Variants in MEAK7 observed in about 807,000 individuals in gnomAD.
MEAK7 encodes the protein MTOR associated protein MEAK7.
MEAK7 carries 68 observed loss-of-function variants against 40.5 expected under a neutral mutation model. That is an observed-to-expected ratio of 1.68 (90% CI 1.38 to 2.06). The LOEUF (loss-of-function observed/expected upper bound fraction) is 2.06, where lower values mean the gene tolerates loss of function less well. MEAK7 is among the 30% of genes most tolerant of loss of function. MEAK7 has a pLI of 0.00. For missense variants in MEAK7, 918 were observed against 580.5 expected (o/e 1.58, Z -5.98); for synonymous variants, 338 against 231.9 (o/e 1.46, Z -4.16).
intron 2 of MEAK7, 85 bp from the exon 3 acceptor site, chr16:84,495,998 G>A (rs1309294416): frequency 1.4e-6 from 2 of 1,419,032 alleles, no homozygotes; most frequent in Non-Finnish European, 1.9e-6. Flanking sequence ...GGCAGATAGA[G>A]AGGAAAAGGG....
intron 1 of MEAK7, among the ~76,000 whole-genome samples, chr16:84,501,398 C>T (rs1914495316): frequency 6.6e-6 from 1 of 152,132 alleles, no homozygotes; most frequent in African/African-American, 2.4e-5. Context: ...CCCCTCACTT[C>T]CATCCCACCC....
chr16:84,478,534 A>G lies in MEAK7; in HGVS notation c.*1379T>C, dbSNP rs1232230352. The stretch of plus-strand genomic sequence containing the variant: ...CTGCAAAAGGTCAAAGCTTACAGCA[A>G]AAGACAAAAGGAAGAGGTATATATC... On this transcript the variant is annotated 3_prime_UTR_variant, in exon 8 of 8. Coordinates refer to ENST00000343629, the MANE Select transcript of MEAK7 (RefSeq NM_020947.4). The G allele has an allele frequency of 6.6e-6, 1 of 152,248 alleles. No homozygotes were observed. The highest frequency in any genetic ancestry group is 1.9e-4 in the East Asian group (1 of 5,200). The allele number at this position is 152,248 out of a possible 1,614,324, so 9.4% of individuals were successfully genotyped here.
rs769515443 is a variant in MEAK7 at position 84,480,492 on chromosome 16, G to A, written c.1257+37C>T. 3 of 1,545,628 alleles carry A rather than the reference G, an allele frequency of 1.9e-6. No homozygotes were observed. In the African/African-American group the frequency reaches 4.2e-5, roughly 21 times the overall value. On this transcript the variant is annotated intron_variant, in intron 7 of 7. Transcript: ENST00000343629. ...AATGCAGAAAGGCCCCCAGGCTCAA[G>A]GGGCCATCCTGGGATGCAGAGGACA...
At chr16:84,501,699 G>C (rs1914519357) in intron 1 of MEAK7, among the ~76,000 whole-genome samples, 1 of 152,118 alleles carries the variant, frequency 6.6e-6, no homozygotes, top group South Asian at 2.1e-4. Context: ...CCCAGGGCTG[G>C]TGCCAGTGAG....
In MEAK7 at chr16:84,479,974, A is replaced by AGCAGGGCCTGGGCC; in HGVS notation, c.1296_1309dup (p.Leu437ArgfsTer42). 1.2e-6 allele frequency: 2 copies of AGCAGGGCCTGGGCC among 1,609,826 alleles called. No individual in the cohort carries two copies. Among genetic ancestry groups the AGCAGGGCCTGGGCC allele is most frequent in the Non-Finnish European group, 1.7e-6 (2 of 1,177,154 alleles). On this transcript the variant is annotated frameshift_variant, in exon 8 of 8. Transcript: ENST00000343629. LOFTEE classifies it high-confidence loss of function. ...GTGGCGCGAATGCCCACTGATCTCC[A>AGCAGGGCCTGGGCC]GCAGGGCCTGGGCCTCAGGGTCCGC...
At chr16:84,502,276 T>G (rs1022195844) in intron 1 of MEAK7, among the ~76,000 whole-genome samples, 8 of 152,050 alleles carry the variant, frequency 5.3e-5, no homozygotes, top group African/African-American at 1.9e-4. Context: ...AAGTGTGTGG[T>G]TGCCACAACT....
At chr16:84,488,773 A>G (rs1453019019) in intron 4 of MEAK7, among the ~76,000 whole-genome samples, 3 of 152,212 alleles carry the variant, frequency 2.0e-5, no homozygotes, top group African/African-American at 7.2e-5. Flanking sequence ...ATCAAAACTT[A>G]TGGCATGCAG....
At chr16:84,504,073 T>A (rs76574487) in intron 1 of MEAK7, 1 of 985,348 alleles carries the variant, frequency 1.0e-6, no homozygotes. Context: ...GGGCAAGAAG[T>A]TCCTGTGGGC....
At chr16:84,491,461 C>T (rs931362968) in intron 3 of MEAK7, among the ~76,000 whole-genome samples, 5 of 148,860 alleles carry the variant, frequency 3.4e-5, no homozygotes, top group Non-Finnish European at 5.9e-5. Context: ...ATCGCTTGAG[C>T]CTGGGAGGCA....
intron 4 of MEAK7, 119 bp downstream of exon 4, chr16:84,489,159 G>C (rs1343681446): frequency 2.3e-6 from 3 of 1,298,624 alleles, no homozygotes; most frequent in Non-Finnish European, 3.0e-6. Flanking sequence ...AAACCTAGAA[G>C]AAGGTTCGAG....
chr16:84,476,838 G>A lies in MEAK7; in HGVS notation c.*3075C>T, dbSNP rs373099962. ...AGGAGGGAAAATAGCTGGAGAAGAG[G>A]CAGGAAGATGACTGACTTTAAGTTG... On this transcript the variant is annotated 3_prime_UTR_variant, in exon 8 of 8. Transcript: ENST00000343629. The A allele has an allele frequency of 7.2e-4, 109 of 152,328 alleles. 1 individual carries two copies. Among genetic ancestry groups the A allele is most frequent in the African/African-American group, 2.6e-3 (108 of 41,564 alleles). The allele number at this position is 152,328 out of a possible 1,614,324, so 9.4% of individuals were successfully genotyped here.
At position 84,477,721 on chromosome 16, in the gene MEAK7, T is replaced by A. The variant is rs571492225; in HGVS notation, c.*2192A>T. 1 of 152,088 alleles carries A rather than the reference T, an allele frequency of 6.6e-6. No homozygotes were observed. The highest frequency in any genetic ancestry group is 1.9e-4 in the East Asian group (1 of 5,190). The allele number at this position is 152,088 out of a possible 1,614,324, so 9.4% of individuals were successfully genotyped here. On this transcript the variant is annotated 3_prime_UTR_variant, in exon 8 of 8. Coordinates refer to ENST00000343629, the MANE Select transcript of MEAK7 (RefSeq NM_020947.4). ...AACTATTCATTTGTGCAAACTAGGA[T>A]TGCGAGTTTCTCAGAGCCAGGTAAG...
chr16:84,497,327 G>A (rs1914132399), intron 2 of MEAK7: 1 of 1,005,154 alleles, frequency 9.9e-7, no homozygotes, highest in Non-Finnish European at 1.3e-6. Context: ...GGGCAAATGG[G>A]CAGTTTTAAC....
intron 1 of MEAK7, among the ~76,000 whole-genome samples, chr16:84,499,305 A>T (rs922909591): frequency 3.9e-5 from 6 of 152,162 alleles, no homozygotes; most frequent in Non-Finnish European, 8.8e-5. Flanking sequence ...TTTTCCGGAA[A>T]CCCAGTGTCA....
chr16:84,489,560 G>A (rs1913391769), intron 3 of MEAK7, 138 bp from the exon 4 acceptor site: 8 of 1,014,122 alleles, frequency 7.9e-6, no homozygotes, highest in Middle Eastern at 2.5e-4. Context: ...TGCAATGTAT[G>A]TAGTTACTCG....
intron 5 of MEAK7, among the ~76,000 whole-genome samples, chr16:84,483,608 G>T (rs1171167243): frequency 6.6e-6 from 1 of 152,238 alleles, no homozygotes; most frequent in Non-Finnish European, 1.5e-5. Flanking sequence ...AGACCAGGAG[G>T]CTGGAAGAGG....
intron 3 of MEAK7, among the ~76,000 whole-genome samples, chr16:84,492,343 A>C (rs1390930204): frequency 6.6e-6 from 1 of 152,136 alleles, no homozygotes; most frequent in African/African-American, 2.4e-5. Flanking sequence ...ATTACATCTT[A>C]TGGTCAAGAT....
chr16:84,485,359 C>T lies in MEAK7; in HGVS notation c.958+1272G>A, dbSNP rs575050614. On this transcript the variant is annotated intron_variant, in intron 5 of 7. Coordinates refer to ENST00000343629, the MANE Select transcript of MEAK7 (RefSeq NM_020947.4). ...CAATGCAATCTAGGAGATAGAGGTGCCCAACCCTCAACCTGGTGACCCCTG... is the reference window on the plus strand; with the variant it reads ...CAATGCAATCTAGGAGATAGAGGTGTCCAACCCTCAACCTGGTGACCCCTG... Among the ~76,000 whole-genome samples the T allele has an allele frequency of 7.2e-5, 11 of 152,306 alleles. No homozygotes were observed. The South Asian group carries it at 1.2e-3, about 17-fold the overall frequency.
Position 84,494,688 on chromosome 16 carries a change from G to A in MEAK7, c.384+995C>T, listed in dbSNP as rs185339740. On this transcript the variant is annotated intron_variant, in intron 3 of 7. Transcript: ENST00000343629. ...TCCTCCCCCACTATTTTTTCTTCAC[G>A]GGACATGAGACTTCACAACCTGGTA... The A allele has an allele frequency of 1.4e-4, 48 of 349,788 alleles. No homozygotes were observed. In the East Asian group the frequency reaches 1.8e-3, roughly 13 times the overall value. The allele number at this position is 349,788 out of a possible 1,614,324, so 21.7% of individuals were successfully genotyped here.
Sources: allele counts gnomAD v4.1 joint callset (sites outside exome capture counted in the v4.1 genomes callset), GRCh38; gene constraint gnomAD v4.1.1; transcripts MANE v1.5; gene names NCBI Gene and HGNC (gene_info 2026-07-23, HGNC 2026-07-21).